GPR158: variants seen among roughly 807,000 people sequenced by gnomAD.
GPR158 encodes G protein-coupled receptor 158.
GPR158 carries 30 observed loss-of-function variants against 78.2 expected under a neutral mutation model. The observed-to-expected ratio is 0.38, with a 90% CI of 0.29 to 0.52. The LOEUF (loss-of-function observed/expected upper bound fraction) is 0.52. GPR158 is among the 20% of genes least tolerant of loss of function. The pLI is 0.83. For missense variants in GPR158, 1,463 were observed against 1,523.5 expected (o/e 0.96, Z 0.66); for synonymous variants, 581 against 591.1 (o/e 0.98, Z 0.25).
intron 5 of GPR158, among the ~76,000 whole-genome samples, chr10:25,477,784 G>C (rs1835609205): frequency 1.3e-5 from 2 of 152,144 alleles, no homozygotes; most frequent in Non-Finnish European, 2.9e-5. Context: ...CAGAAGGTAT[G>C]GGAATATTAG....
chr10:25,431,057 C>T (rs10430591), intron 4 of GPR158, among the ~76,000 whole-genome samples: 93,313 of 136,230 alleles, frequency 0.68, 33,155 homozygotes, highest in Non-Finnish European at 0.79. Context: ...AAAGAAACTA[C>T]CATCAGAGTG....
At chr10:25,251,650 C>G (rs1049510108) in intron 2 of GPR158, among the ~76,000 whole-genome samples, 10 of 151,280 alleles carry the variant, frequency 6.6e-5, no homozygotes, top group African/African-American at 2.4e-4. Flanking sequence ...CCCCCACTCT[C>G]TTCTGGCTTG....
Position 25,322,392 on chromosome 10 carries a change from GA to G in GPR158, c.1009-73510del, listed in dbSNP as rs1046378504. ...CGAGACTCCGTCTCAAAAAAAAAAA[GA>G]AAAAAAAAGAAAAATCACAGATACT... On this transcript the variant is annotated intron_variant, in intron 2 of 10. Transcript: ENST00000376351. Among the ~76,000 whole-genome samples, 4 of 144,886 alleles carry G rather than the reference GA, an allele frequency of 2.8e-5. No homozygotes were observed. In the East Asian group the frequency reaches 8.1e-4, roughly 29 times the overall value.
At chr10:25,408,615 T>C (rs990708817) in intron 3 of GPR158, among the ~76,000 whole-genome samples, 9 of 152,224 alleles carry the variant, frequency 5.9e-5, no homozygotes, top group African/African-American at 2.2e-4. Context: ...ACTTCACTTA[T>C]GTAATTATCC....
At chr10:25,362,507 G>A (rs1202701050) in intron 2 of GPR158, among the ~76,000 whole-genome samples, 2 of 151,774 alleles carry the variant, frequency 1.3e-5, no homozygotes, top group Non-Finnish European at 1.5e-5. Context: ...GCTTTAGATA[G>A]GAATTGTGTT....
At chr10:25,279,274 A>T (rs184427536) in intron 2 of GPR158, among the ~76,000 whole-genome samples, 73 of 152,344 alleles carry the variant, frequency 4.8e-4, no homozygotes, top group African/African-American at 1.5e-3. Context: ...ATGGAAATTG[A>T]CGGCCATAAT....
intron 1 of GPR158, among the ~76,000 whole-genome samples, chr10:25,212,453 C>T (rs1006517763): frequency 1.3e-5 from 2 of 152,094 alleles, no homozygotes. Context: ...CCAGGCCCCA[C>T]CTCCAACATT....
intron 1 of GPR158, among the ~76,000 whole-genome samples, chr10:25,185,389 A>G (rs376285317): frequency 2.0e-5 from 3 of 152,352 alleles, no homozygotes; most frequent in African/African-American, 4.8e-5. Flanking sequence ...TGAAATATGA[A>G]TTAATTTACA....
intron 3 of GPR158, among the ~76,000 whole-genome samples, chr10:25,401,957 A>T (rs543331603): frequency 6.6e-6 from 1 of 152,152 alleles, no homozygotes; most frequent in African/African-American, 2.4e-5. Flanking sequence ...AGAAACTTTG[A>T]TAAGATACAA....
At chr10:25,319,525 T>C (rs1854914940) in intron 2 of GPR158, among the ~76,000 whole-genome samples, 1 of 152,202 alleles carries the variant, frequency 6.6e-6, no homozygotes, top group Non-Finnish European at 1.5e-5. Context: ...GTTTCTAGAA[T>C]GAAACCTAAT....
chr10:25,565,699 C>T (rs890107014), intron 6 of GPR158, among the ~76,000 whole-genome samples: 1 of 152,178 alleles, frequency 6.6e-6, no homozygotes, highest in African/African-American at 2.4e-5. Context: ...GTCTTTTACA[C>T]ATTAGGGGGA....
At chr10:25,440,495 C>T (rs1385983844) in intron 4 of GPR158, among the ~76,000 whole-genome samples, 3 of 152,198 alleles carry the variant, frequency 2.0e-5, no homozygotes, top group African/African-American at 7.2e-5. Flanking sequence ...CTAAGAAATA[C>T]ATCTGACAGG....
rs141367019 is a variant in GPR158 at position 25,493,768 on chromosome 10, A to G, written c.1404+27049A>G. ...AGTGTCTATAGTAAAATATCATTTG[A>G]ATCTCAAGGCTGTGAAAGTGTATAT... is the stretch of plus-strand genomic sequence containing the variant. On this transcript the variant is annotated intron_variant, in intron 5 of 10. Transcript: ENST00000376351. Among the ~76,000 whole-genome samples, 504 of 152,360 alleles carry G rather than the reference A, an allele frequency of 3.3e-3. 4 individuals are homozygous for G. Among genetic ancestry groups the G allele is most frequent in the African/African-American group, 0.012 (480 of 41,596 alleles).
At chr10:25,275,098 A>G (rs1854166614) in intron 2 of GPR158, among the ~76,000 whole-genome samples, 1 of 152,200 alleles carries the variant, frequency 6.6e-6, no homozygotes, top group Non-Finnish European at 1.5e-5. Context: ...TTAAAAGATC[A>G]TGTGCTGGGA....
intron 4 of GPR158, among the ~76,000 whole-genome samples, chr10:25,439,709 C>G (rs1052996850): frequency 3.3e-5 from 5 of 152,208 alleles, no homozygotes; most frequent in African/African-American, 7.2e-5. Flanking sequence ...ATACCCTCCA[C>G]TCCTTGGATA....
At chr10:25,424,516 G>T (rs550263987) in intron 4 of GPR158, among the ~76,000 whole-genome samples, 207 of 151,014 alleles carry the variant, frequency 1.4e-3, no homozygotes, top group Non-Finnish European at 2.3e-3. Context: ...TATGGTTTTA[G>T]GTCTAACATT....
chr10:25,233,069 G>A (rs1270168044), intron 2 of GPR158, among the ~76,000 whole-genome samples: 1 of 152,150 alleles, frequency 6.6e-6, no homozygotes, highest in Non-Finnish European at 1.5e-5. Context: ...GTGTAAAGGG[G>A]GAATCGTTAG....
At chr10:25,387,197 G>T (rs1351977208) in intron 2 of GPR158, among the ~76,000 whole-genome samples, 1 of 152,130 alleles carries the variant, frequency 6.6e-6, no homozygotes, top group Non-Finnish European at 1.5e-5. Context: ...GTGTTGCATT[G>T]TGTCAGATGC....
chr10:25,488,022 T>C (rs1835757012), intron 5 of GPR158, among the ~76,000 whole-genome samples: 1 of 152,174 alleles, frequency 6.6e-6, no homozygotes, highest in Non-Finnish European at 1.5e-5. Flanking sequence ...GCATTAGGAT[T>C]GGCTGCGAGT....
Sources: gnomAD v4.1 joint callset for allele counts (sites outside exome capture counted in the v4.1 genomes callset) on GRCh38, gnomAD v4.1.1 for gene constraint, MANE v1.5 for transcripts, NCBI Gene and HGNC (gene_info 2026-07-23, HGNC 2026-07-21) for gene names.